ZNF263: variants seen among roughly 807,000 people sequenced by gnomAD.
The protein encoded by ZNF263 is zinc finger protein 263, also known as zinc finger protein FPM315.
A neutral mutation model predicts 63.1 loss-of-function variants in ZNF263; 49 were observed. The observed-to-expected ratio is 0.78, with a 90% CI of 0.62 to 0.99. The LOEUF is 0.99. Among genes scored for constraint, ZNF263 ranks in the 50% least tolerant of loss-of-function variants. ZNF263 has a pLI of 0.00. For missense variants in ZNF263, 872 were observed against 854.8 expected, an observed-to-expected ratio of 1.02 and a Z score of -0.25; for synonymous variants, 352 against 324.2, an observed-to-expected ratio of 1.09 and a Z score of -0.92.
intron 3 of ZNF263, 122 bp from the exon 4 acceptor site, chr16:3,285,901 T>G (rs1959334764): frequency 6.4e-7 from 1 of 1,567,500 alleles, no homozygotes; most frequent in Non-Finnish European, 8.8e-7. Context: ...CTTGGAGGCC[T>G]GATACCCTTC....
chr16:3,295,596 C>T (rs1316571121), downstream of ZNF263, among the ~76,000 whole-genome samples: 2 of 132,386 alleles, frequency 1.5e-5, no homozygotes, highest in African/African-American at 6.4e-5. Flanking sequence ...GCCAGGAAAG[C>T]GCGGGGCCGC....
Position 3,286,072 on chromosome 16 carries a change from G to T in ZNF263, c.692G>T (p.Trp231Leu), listed in dbSNP as rs1180657261. Residue 231 changes from tryptophan to leucine, a missense_variant, in exon 4 of 6, where the codon TGG (tryptophan) becomes TTG (leucine). Physicochemically the swap from Trp to Leu is moderately conservative, Grantham distance 61 (BLOSUM62 -2). Coordinates refer to ENST00000219069, the MANE Select transcript of ZNF263 (RefSeq NM_005741.5). ...GCAATGTACATCTCCCAGGAGGAGT[G>T]GGGGCATCAGGATCCTAGTAAGAGG... ...DVAMYISQEEWGHQDPSKRAL... is the reference protein window; with the variant it reads ...DVAMYISQEELGHQDPSKRAL... 12 of 1,612,432 alleles carry T rather than the reference G, an allele frequency of 7.4e-6. No individual in the cohort carries two copies. Among genetic ancestry groups the T allele is most frequent in the African/African-American group, 1.3e-5 (1 of 74,792 alleles).
In ZNF263 at chr16:3,284,100, C is replaced by G. The variant is rs557730171; in HGVS notation, c.282C>G (p.Pro94=). ...LVLEQFLTIL[P]QEIQSRVQEL... ...TAGAGCAGTTCCTGACCATCCTGCC[C>G]CAGGAGATCCAGAGCAGGGTGCAGG... is the stretch of plus-strand genomic sequence containing the variant. Residue 94 remains proline, a synonymous_variant, in exon 1 of 6, where the codon CCC becomes CCG. Transcript: ENST00000219069. The G allele has an allele frequency of 6.2e-6, 10 of 1,613,050 alleles. No individual in the cohort carries two copies. Among genetic ancestry groups the G allele is most frequent in the African/African-American group, 1.3e-5 (1 of 75,022 alleles).
chr16:3,283,907 C>G lies in ZNF263; in HGVS notation c.89C>G (p.Pro30Arg), dbSNP rs144448823. Residue 30 changes from proline (P) to arginine (R), a missense_variant, in exon 1 of 6, where the codon CCA (proline) becomes CGA (arginine). Physicochemically the swap from Pro to Arg is moderately radical, Grantham distance 103. Coordinates refer to ENST00000219069, the MANE Select transcript of ZNF263 (RefSeq NM_005741.5). ...TGCGCCTGGAGCCAGGAGCTGCCCC[C>G]ACCTGACCCAGGACCGAGCCCCGAG... ...EDCAWSQELP[P>R]PDPGPSPEAS... is the part of the protein sequence containing the mutation. 5.0e-6 allele frequency: 8 copies of G among 1,612,414 alleles called. No homozygotes were observed. In the Admixed American group the frequency reaches 1.3e-4, roughly 27 times the overall value.
At chr16:3,297,229 G>C (rs1335637708) in intron 1 of ZNF263, among the ~76,000 whole-genome samples, 1 of 151,062 alleles carries the variant, frequency 6.6e-6, no homozygotes, top group Non-Finnish European at 1.5e-5. Context: ...GGGAGGTGGA[G>C]GTTGCAGCGA....
intron 4 of ZNF263, 134 bp downstream of exon 4, chr16:3,286,283 G>T (rs1476092021): frequency 1.5e-6 from 2 of 1,350,230 alleles, no homozygotes; most frequent in Non-Finnish European, 2.0e-6. Context: ...TTTGTCTAAA[G>T]TCCCCTGTAC....
At chr16:3,286,653 G>A (rs1318771755) in intron 4 of ZNF263, 1 of 152,740 alleles carries the variant, frequency 6.5e-6, no homozygotes, top group Non-Finnish European at 1.5e-5. Context: ...GGAGGGTCTT[G>A]TGGAAATTTG....
chr16:3,292,442 GGAGGGTTAGGATTA>G (rs1201027272), downstream of ZNF263, among the ~76,000 whole-genome samples: 5 of 152,166 alleles, frequency 3.3e-5, no homozygotes, highest in Non-Finnish European at 7.3e-5. Context: ...GCAGGGAAGT[GGAGGGTTAGGATTA>G]GAGAGATCAG....
rs1369140094 is a variant in ZNF263, at chr16:3,290,823, T to A, written c.*265T>A. 20 of 1,218,212 alleles carry A rather than the reference T, an allele frequency of 1.6e-5. No individual in the cohort carries two copies. The highest frequency in any genetic ancestry group is 1.0e-6 in the Non-Finnish European group (1 of 975,184). 75.5% of individuals were successfully genotyped at this position (1,218,212 alleles called of 1,614,324 possible). The stretch of plus-strand genomic sequence containing the variant: ...AGTCCACCCTGCCCCAGGGTGCTCC[T>A]ACCCTCTTGGTCTTTTTAAAGCCAA... On this transcript the variant is annotated 3_prime_UTR_variant, in exon 6 of 6. Transcript: ENST00000219069.
At chr16:3,298,654 G>T (rs1407265665) in intron 1 of ZNF263, among the ~76,000 whole-genome samples, 1 of 152,230 alleles carries the variant, frequency 6.6e-6, no homozygotes, top group Non-Finnish European at 1.5e-5. Flanking sequence ...AAGCTAACTA[G>T]AACTAGTCAG....
intron 1 of ZNF263, chr16:3,298,871 G>A (rs891651987): frequency 2.7e-5 from 12 of 439,678 alleles, no homozygotes; most frequent in Non-Finnish European, 4.8e-5. Context: ...TTATATAAAT[G>A]GGCACTGATA....
rs756303546 is a variant in ZNF263, at chr16:3,299,329, T to A, written c.*46+173T>A. On this transcript the variant is annotated intron_variant, in intron 2 of 2. Transcript: ENST00000574674. ...ATCATCATCCAACTTAGTTTCCAACTCCCCACATTTTTCAAGAATTTCTCT... is the reference window on the plus strand; with the variant it reads ...ATCATCATCCAACTTAGTTTCCAACACCCCACATTTTTCAAGAATTTCTCT... 8 of 1,595,042 alleles carry A rather than the reference T, an allele frequency of 5.0e-6. No homozygotes were observed. The South Asian group carries it at 9.2e-5, about 18-fold the overall frequency.
chr16:3,295,369 G>C (rs1014828416), downstream of ZNF263, among the ~76,000 whole-genome samples: 2 of 152,180 alleles, frequency 1.3e-5, no homozygotes, highest in Non-Finnish European at 2.9e-5. Flanking sequence ...TCACGCCCCA[G>C]CCGCCCAAGT....
At position 3,285,739 on chromosome 16, in the gene ZNF263, G is replaced by A; in HGVS notation, c.627G>A (p.Glu209=). ...FPPEGNMEDK[E]MTGPQLPESL... is the part of the protein sequence containing the mutation. ...CTGAAGGGAACATGGAAGACAAGGA[G>A]ATGACTGGGCCCCAGGTGATGTGGA... Residue 209 remains glutamate (E), a synonymous_variant, in exon 3 of 6, where the codon GAG becomes GAA. Transcript: ENST00000219069. 6.2e-7 allele frequency: 1 copy of A among 1,614,182 alleles called. No homozygotes were observed. The highest frequency in any genetic ancestry group is 8.5e-7 in the Non-Finnish European group (1 of 1,180,038).
At chr16:3,291,500 C>G (rs974387344), downstream of ZNF263, 3 of 985,166 alleles carry the variant, frequency 3.0e-6, no homozygotes, top group Non-Finnish European at 3.6e-6. Flanking sequence ...TCTAGACCCC[C>G]GAGTGTTGAT....
intron 2 of ZNF263, chr16:3,299,847 C>G: frequency 6.3e-7 from 1 of 1,591,970 alleles, no homozygotes; most frequent in Non-Finnish European, 8.5e-7. Flanking sequence ...CTCTGGTGAA[C>G]CAAACATCTT....
chr16:3,288,467 C>A lies in ZNF263; in HGVS notation c.783C>A (p.Pro261=). ...CATTGTGAACAGAGTCTCACATTCCCAGTCAGGAGGTCCCAGGCACCCAGG... is the reference window on the plus strand; with the variant it reads ...CATTGTGAACAGAGTCTCACATTCCAAGTCAGGAGGTCCCAGGCACCCAGG... ...ENVDSLESHI[P]SQEVPGTQVG... Residue 261 remains proline, a synonymous_variant, in exon 5 of 6, where the codon CCC becomes CCA. Transcript: ENST00000219069. The A allele has an allele frequency of 6.2e-7, 1 of 1,611,540 alleles. No individual in the cohort carries two copies. Among genetic ancestry groups the A allele is most frequent in the East Asian group, 2.2e-5 (1 of 44,768 alleles).
chr16:3,287,071 T>A (rs1959386658), intron 4 of ZNF263, among the ~76,000 whole-genome samples: 1 of 152,136 alleles, frequency 6.6e-6, no homozygotes, highest in African/African-American at 2.4e-5. Flanking sequence ...AGAGTGAGAC[T>A]CTGTTTCAAA....
Position 3,284,061 on chromosome 16 carries a change from G to C in ZNF263, c.243G>C (p.Leu81Phe), listed in dbSNP as rs761415128. Residue 81 changes from leucine (L) to phenylalanine (F), a missense_variant, in exon 1 of 6, where the codon TTG becomes TTC. Coordinates refer to ENST00000219069, the MANE Select transcript of ZNF263 (RefSeq NM_005741.5). Reference protein sequence around the residue: ...RPEMRTKEQILELLVLEQFLT... With the variant: ...RPEMRTKEQIFELLVLEQFLT... The stretch of plus-strand genomic sequence containing the variant: ...AGATGCGCACGAAGGAGCAGATCTT[G>C]GAGCTGCTGGTGTTAGAGCAGTTCC... 6.2e-7 allele frequency: 1 copy of C among 1,613,820 alleles called. No individual in the cohort carries two copies. Among genetic ancestry groups the C allele is most frequent in the Non-Finnish European group, 8.5e-7 (1 of 1,179,842 alleles).
Sources: gnomAD v4.1 joint callset for allele counts (sites outside exome capture counted in the v4.1 genomes callset) on GRCh38, gnomAD v4.1.1 for gene constraint, MANE v1.5 for transcripts, NCBI Gene and HGNC (gene_info 2026-07-23, HGNC 2026-07-21) for gene names.